The following SATL1 variants were observed in gnomAD, a reference collection of about 807,000 sequenced individuals.
SATL1 encodes the protein spermidine/spermine N1-acetyl transferase like 1.
A neutral mutation model predicts 51.8 loss-of-function variants in SATL1; 47 were observed. The ratio of observed to expected loss-of-function variants is 0.91; its 90% CI spans 0.72 to 1.16. The LOEUF (loss-of-function observed/expected upper bound fraction) is 1.16, where lower values mean the gene tolerates loss of function less well. Ranked by LOEUF, SATL1 falls within the 50% of genes most tolerant of loss-of-function variation. The probability of loss-of-function intolerance (pLI) is 0.00; values close to 1 mark genes in which losing one functional copy is unlikely to be tolerated. For missense variants in SATL1, 520 were observed against 526.4 expected, an observed-to-expected ratio of 0.99 and a Z score of 0.12; for synonymous variants, 176 against 182.4, an observed-to-expected ratio of 0.97 and a Z score of 0.28.
intron 2 of SATL1, among the ~76,000 whole-genome samples, chrX:85,171,533 A>G (rs1371986469): frequency 2.7e-5 from 3 of 111,473 alleles, no homozygotes; most frequent in Non-Finnish European, 5.7e-5. Context: ...TCCTATTCAC[A>G]TAAGTGTAAA....
At chrX:85,217,606 C>T (rs985486307) in intron 2 of SATL1, among the ~76,000 whole-genome samples, 1 of 111,806 alleles carries the variant, frequency 8.9e-6, no homozygotes, top group Non-Finnish European at 1.9e-5. Flanking sequence ...ACTTTTATTT[C>T]AAGGATACAT....
chrX:85,175,041 C>G (rs2147736786), intron 2 of SATL1, among the ~76,000 whole-genome samples: 1 of 111,193 alleles, frequency 9.0e-6, no homozygotes, highest in South Asian at 3.8e-4. Context: ...TTGTGACAAC[C>G]AGGAAGCAAT....
intron 2 of SATL1, among the ~76,000 whole-genome samples, chrX:85,220,702 A>G (rs1489994913): frequency 1.0e-5 from 1 of 98,448 alleles, no homozygotes; most frequent in Admixed American, 1.2e-4. Context: ...CCTGGATCTA[A>G]GATGCATCAC....
At chrX:85,136,050 G>C (rs1371892241) in intron 2 of SATL1, among the ~76,000 whole-genome samples, 1 of 110,616 alleles carries the variant, frequency 9.0e-6, no homozygotes, top group Non-Finnish European at 1.9e-5. Flanking sequence ...GAAGTGAGGA[G>C]AGTTGGTGAC....
At chrX:85,172,406 C>T (rs976926936) in intron 2 of SATL1, among the ~76,000 whole-genome samples, 4 of 111,309 alleles carry the variant, frequency 3.6e-5, no homozygotes, top group African/African-American at 1.3e-4. Context: ...GATGATTATA[C>T]ATGAAATATT....
intron 2 of SATL1, among the ~76,000 whole-genome samples, chrX:85,154,419 T>C (rs2147724167): frequency 9.0e-6 from 1 of 111,445 alleles, no homozygotes; most frequent in African/African-American, 3.3e-5. Context: ...TAATCTATAA[T>C]ATAGAAATTG....
chrX:85,131,300 C>G, intron 2 of SATL1, among the ~76,000 whole-genome samples: 1 of 111,578 alleles, frequency 9.0e-6, no homozygotes, highest in East Asian at 2.8e-4. Flanking sequence ...TCGTAAGTCT[C>G]TAAGAACTTG....
chrX:85,224,858 C>T (rs865989882), intron 1 of SATL1, among the ~76,000 whole-genome samples: 2 of 107,962 alleles, frequency 1.9e-5, no homozygotes, highest in Admixed American at 9.9e-5. Flanking sequence ...CAGCCAAAAA[C>T]TGGAAAGGAG....
chrX:85,197,934 C>T (rs1288032549), intron 2 of SATL1, among the ~76,000 whole-genome samples: 1 of 110,070 alleles, frequency 9.1e-6, no homozygotes, highest in Non-Finnish European at 1.9e-5. Context: ...TTCATTCTAT[C>T]TAATTATATT....
In SATL1 at chrX:85,103,895, G is replaced by A. The variant is rs1208136897; in HGVS notation, c.1662C>T (p.Asn554=). 6 of 1,190,418 alleles carry A rather than the reference G, an allele frequency of 5.0e-6. No homozygotes were observed. The highest frequency in any genetic ancestry group is 6.8e-6 in the Non-Finnish European group (6 of 878,794). Residue 554 remains asparagine (N), a synonymous_variant, in exon 4 of 8, where the codon AAC becomes AAT. Coordinates refer to ENST00000644105, the MANE Select transcript of SATL1 (RefSeq NM_001367857.2). ...CTGTTAACTCCATTGCATCTAGCAT[G>A]TTTTCACAGGCAGCCAATTCCTGTC... ...RLIKELAACE[N]MLDAMELTAA...
chrX:85,178,647 CAAA>C lies in SATL1; in HGVS notation c.-313+45555_-313+45557del, dbSNP rs748854565. Among the ~76,000 whole-genome samples, 7 of 101,393 alleles carry C rather than the reference CAAA, an allele frequency of 6.9e-5. No homozygotes were observed. In the Admixed American group the frequency reaches 7.3e-4, roughly 11 times the overall value. 88.0% of individuals were successfully genotyped at this position (101,393 alleles called of 115,157 possible). A position where few individuals can be genotyped will look rare whatever the true frequency, so the allele number is the denominator to read the frequency against. On this transcript the variant is annotated intron_variant, in intron 2 of 7. Transcript: ENST00000644105. ...AAACAAAAACAAACAAACAAACAAA[CAAA>C]AAAAAACAAAAAAACAAACCTCTAG... is the stretch of plus-strand genomic sequence containing the variant.
intron 2 of SATL1, among the ~76,000 whole-genome samples, chrX:85,185,554 C>G (rs1294574971): frequency 5.4e-5 from 6 of 111,023 alleles, no homozygotes; most frequent in Non-Finnish European, 9.5e-5. Flanking sequence ...AAAGTCCTTC[C>G]TACATTCCCT....
chrX:85,140,799 A>T (rs1238441098), intron 2 of SATL1, among the ~76,000 whole-genome samples: 1 of 111,888 alleles, frequency 8.9e-6, no homozygotes, highest in African/African-American at 3.2e-5. Flanking sequence ...TTTTTTTCAA[A>T]GGCATTTTGG....
intron 1 of SATL1, among the ~76,000 whole-genome samples, chrX:85,232,988 A>G (rs1426788078): frequency 8.9e-6 from 1 of 111,939 alleles, no homozygotes; most frequent in African/African-American, 3.3e-5. Context: ...GCCTTAAGTG[A>G]GACCCCCTTA....
At chrX:85,113,692 C>T (rs926724920) in intron 2 of SATL1, among the ~76,000 whole-genome samples, 2 of 112,330 alleles carry the variant, frequency 1.8e-5, no homozygotes, top group South Asian at 3.7e-4. Context: ...TTATACTTGG[C>T]TTGATTATTT....
At chrX:85,226,370 C>G (rs1294994908) in intron 1 of SATL1, among the ~76,000 whole-genome samples, 2 of 111,331 alleles carry the variant, frequency 1.8e-5, no homozygotes, top group Non-Finnish European at 3.8e-5. Flanking sequence ...GTCCTATTTG[C>G]ACCTCATTAC....
At chrX:85,169,904 A>T (rs1395381842) in intron 2 of SATL1, among the ~76,000 whole-genome samples, 1 of 112,017 alleles carries the variant, frequency 8.9e-6, no homozygotes, top group Non-Finnish European at 1.9e-5. Flanking sequence ...GCATGAAGAA[A>T]ATGTGATACA....
intron 2 of SATL1, among the ~76,000 whole-genome samples, chrX:85,187,734 G>T (rs755502904): frequency 9.0e-6 from 1 of 111,250 alleles, no homozygotes; most frequent in African/African-American, 3.3e-5. Context: ...ATTTTCTTGA[G>T]GACTTTTGCA....
intron 2 of SATL1, among the ~76,000 whole-genome samples, chrX:85,123,672 T>G (rs1366992713): frequency 1.8e-5 from 2 of 111,577 alleles, no homozygotes; most frequent in African/African-American, 3.3e-5. Flanking sequence ...TAAGAAACAG[T>G]CTTCTAAAGT....
Sources: gnomAD v4.1 joint callset for allele counts (sites outside exome capture counted in the v4.1 genomes callset) on GRCh38, gnomAD v4.1.1 for gene constraint, MANE v1.5 for transcripts, NCBI Gene and HGNC (gene_info 2026-07-23, HGNC 2026-07-21) for gene names.